Variants in DCDC1 observed in about 807,000 individuals in gnomAD.
DCDC1 encodes doublecortin domain-containing protein 1.
In DCDC1, 200 loss-of-function variants were observed where a neutral mutation model predicts 178.3. The observed-to-expected ratio is 1.12, with a 90% CI of 1.00 to 1.26. The LOEUF (loss-of-function observed/expected upper bound fraction) is 1.26, where lower values mean the gene tolerates loss of function less well. Ranked by LOEUF, DCDC1 falls within the 50% of genes most tolerant of loss-of-function variation. The pLI is 0.00. For synonymous variants in DCDC1, 690 were observed against 604.8 expected (o/e 1.14, Z -2.07); for missense variants, 1,983 against 1,749.2 (o/e 1.13, Z -2.38).
chr11:31,130,237 C>T (rs1466224777), intron 10 of DCDC1, among the ~76,000 whole-genome samples: 3 of 152,098 alleles, frequency 2.0e-5, no homozygotes, highest in African/African-American at 7.2e-5. Flanking sequence ...TGGATATTAC[C>T]ATCTGGCACT....
intron 7 of DCDC1, among the ~76,000 whole-genome samples, chr11:31,282,352 G>A (rs1305250827): frequency 6.6e-6 from 1 of 151,522 alleles, no homozygotes; most frequent in African/African-American, 2.4e-5. Flanking sequence ...AATAGGATAG[G>A]TGTATATATG....
At chr11:31,273,367 T>G (rs1945727045) in intron 7 of DCDC1, among the ~76,000 whole-genome samples, 1 of 152,146 alleles carries the variant, frequency 6.6e-6, no homozygotes, top group East Asian at 1.9e-4. Context: ...TGCTTAGAAG[T>G]TTCTTCCACC....
chr11:30,903,920 T>G, intron 31 of DCDC1: 1 of 332,312 alleles, frequency 3.0e-6, no homozygotes, highest in East Asian at 4.6e-5. Context: ...TCCACAAATT[T>G]AACATGGCAG....
At chr11:31,340,200 G>A (rs1950472447) in intron 1 of DCDC1, among the ~76,000 whole-genome samples, 1 of 150,402 alleles carries the variant, frequency 6.6e-6, no homozygotes, top group Non-Finnish European at 1.5e-5. Context: ...AGGCCTTTAA[G>A]TTAAATTGCT....
intron 20 of DCDC1, among the ~76,000 whole-genome samples, chr11:30,998,680 T>G: frequency 6.6e-6 from 1 of 152,170 alleles, no homozygotes; most frequent in East Asian, 1.9e-4. Flanking sequence ...AAATTGGATA[T>G]TTGCTCAAAC....
intron 9 of DCDC1, among the ~76,000 whole-genome samples, chr11:31,238,743 C>T (rs1050916316): frequency 5.3e-5 from 8 of 152,102 alleles, no homozygotes; most frequent in Non-Finnish European, 1.2e-4. Flanking sequence ...TGCTTAGCTC[C>T]AAGCAATTTC....
chr11:30,927,382 A>C (rs769507086), intron 22 of DCDC1, among the ~76,000 whole-genome samples: 1 of 152,178 alleles, frequency 6.6e-6, no homozygotes, highest in African/African-American at 2.4e-5. Context: ...AAAAAAAAGA[A>C]AAAAAGAAAG....
rs1240502503 is a variant in DCDC1 at position 31,137,808 on chromosome 11, T to C, written c.1222-24A>G. Reference sequence around the variant, plus strand: ...AACTAGAAAAAACAAATAAACAGCATGAAAGCAGGTATCTATTGACACCTA... The same window carrying C: ...AACTAGAAAAAACAAATAAACAGCACGAAAGCAGGTATCTATTGACACCTA... On this transcript the variant is annotated intron_variant, in intron 9 of 38. Transcript: ENST00000684477. The C allele has an allele frequency of 1.1e-5, 8 of 700,308 alleles. No homozygotes were observed. The East Asian group carries it at 1.9e-4, about 16-fold the overall frequency. 43.4% of individuals were successfully genotyped at this position (700,308 alleles called of 1,614,324 possible). A position where few individuals can be genotyped will look rare whatever the true frequency, so the allele number is the denominator to read the frequency against.
At chr11:31,272,162 A>G (rs957771766) in intron 7 of DCDC1, among the ~76,000 whole-genome samples, 2 of 16,676 alleles carry the variant, frequency 1.2e-4, no homozygotes, top group African/African-American at 1.2e-3. Flanking sequence ...ACTCCATCTA[A>G]AAAAAAAAAA....
chr11:31,353,309 T>C (rs550837671), intron 1 of DCDC1, among the ~76,000 whole-genome samples: 1 of 152,258 alleles, frequency 6.6e-6, no homozygotes, highest in Admixed American at 6.5e-5. Context: ...ACTAGCAGCA[T>C]AGCCTGAAGC....
intron 9 of DCDC1, among the ~76,000 whole-genome samples, chr11:31,160,078 G>A (rs1385130564): frequency 6.6e-6 from 1 of 151,890 alleles, no homozygotes; most frequent in Admixed American, 6.6e-5. Flanking sequence ...TTATTAATAG[G>A]TGACTATAAG....
intron 3 of DCDC1, among the ~76,000 whole-genome samples, chr11:31,308,246 G>A (rs1236804689): frequency 6.6e-6 from 1 of 152,132 alleles, no homozygotes; most frequent in African/African-American, 2.4e-5. Flanking sequence ...CAACCAAAAG[G>A]AAGCTTGCAT....
chr11:30,883,539 T>C (rs1942888451), intron 36 of DCDC1: 1 of 422,806 alleles, frequency 2.4e-6, no homozygotes, highest in Non-Finnish European at 4.8e-6. Flanking sequence ...GCAAAGTTTA[T>C]GAACAATATG....
At chr11:31,302,638 C>T (rs1948190690) in intron 6 of DCDC1, among the ~76,000 whole-genome samples, 2 of 152,138 alleles carry the variant, frequency 1.3e-5, no homozygotes, top group Admixed American at 1.3e-4. Context: ...AGGAATGCTT[C>T]ATGTCAGTCT....
chr11:31,325,404 T>A (rs1949592836), intron 3 of DCDC1, among the ~76,000 whole-genome samples: 1 of 152,150 alleles, frequency 6.6e-6, no homozygotes, highest in African/African-American at 2.4e-5. Flanking sequence ...ATTTTTTTAG[T>A]CACATGACCT....
intron 9 of DCDC1, among the ~76,000 whole-genome samples, chr11:31,154,794 T>C (rs1965550700): frequency 6.6e-6 from 1 of 152,164 alleles, no homozygotes. Flanking sequence ...GAAAAGGCTG[T>C]AAAAGGGAAC....
chr11:31,271,141 C>A (rs1945518271), intron 7 of DCDC1, among the ~76,000 whole-genome samples: 2 of 152,126 alleles, frequency 1.3e-5, no homozygotes, highest in Non-Finnish European at 2.9e-5. Flanking sequence ...GACATGATCT[C>A]CTATGTCAGA....
chr11:31,216,243 T>G (rs1388102444), intron 9 of DCDC1, among the ~76,000 whole-genome samples: 1 of 152,140 alleles, frequency 6.6e-6, no homozygotes, highest in Non-Finnish European at 1.5e-5. Context: ...AAAATGGGCA[T>G]GATAGACATG....
At chr11:31,006,432 C>T (rs576087885) in intron 20 of DCDC1, among the ~76,000 whole-genome samples, 1 of 152,262 alleles carries the variant, frequency 6.6e-6, no homozygotes, top group South Asian at 2.1e-4. Flanking sequence ...TCCTTATCCC[C>T]AGGACTGTTC....
Sources: gnomAD v4.1 joint callset for allele counts (sites outside exome capture counted in the v4.1 genomes callset) on GRCh38, gnomAD v4.1.1 for gene constraint, MANE v1.5 for transcripts, NCBI Gene and HGNC (gene_info 2026-07-23, HGNC 2026-07-21) for gene names.